Variants in MBTD1 observed in about 807,000 individuals in gnomAD.
The protein encoded by MBTD1 is mbt domain containing 1.
A neutral mutation model predicts 87.8 loss-of-function variants in MBTD1; 24 were observed. That is an observed-to-expected ratio of 0.27 (90% CI 0.20 to 0.38). The LOEUF (loss-of-function observed/expected upper bound fraction) is 0.38, where lower values mean the gene tolerates loss of function less well. Among genes scored for constraint, MBTD1 ranks in the 10% least tolerant of loss-of-function variants. MBTD1 has a pLI of 1.00. For missense variants in MBTD1, 436 were observed against 760.2 expected, an observed-to-expected ratio of 0.57 and a Z score of 5.02; for synonymous variants, 237 against 248.6, an observed-to-expected ratio of 0.95 and a Z score of 0.44.
chr17:51,218,329 G>C (rs371921847), intron 5 of MBTD1, among the ~76,000 whole-genome samples: 1 of 152,112 alleles, frequency 6.6e-6, no homozygotes, highest in East Asian at 1.9e-4. Flanking sequence ...TGGAGTTCTA[G>C]ACCAGCCTGG....
intron 2 of MBTD1, among the ~76,000 whole-genome samples, chr17:51,231,971 C>T (rs750747153): frequency 3.3e-5 from 5 of 151,832 alleles, no homozygotes; most frequent in Non-Finnish European, 5.9e-5. Flanking sequence ...ACTATGAGGG[C>T]GCTTAACTGG....
chr17:51,233,115 C>T (rs928932845), intron 2 of MBTD1, among the ~76,000 whole-genome samples: 12 of 130,096 alleles, frequency 9.2e-5, no homozygotes, highest in African/African-American at 3.4e-4. Context: ...CATGAATTCA[C>T]AGATAAAACT....
Position 51,193,466 on chromosome 17 carries a change from T to C in MBTD1, c.1417A>G (p.Thr473Ala). 1 of 1,612,856 alleles carries C rather than the reference T, an allele frequency of 6.2e-7. No homozygotes were observed. Among genetic ancestry groups the C allele is most frequent in the Non-Finnish European group, 8.5e-7 (1 of 1,179,764 alleles). Residue 473 changes from threonine to alanine, a missense_variant, in exon 14 of 17, where the codon ACT (threonine) becomes GCT (alanine). By Grantham distance (58) the Thr-to-Ala change is moderately conservative. Transcript: ENST00000586178. ...TTTACTGGTGCTGCAATGGAGCCAG[T>C]TTCCCTGAGGTAGTCAAACCATTTA... ...PFKWFDYLRE[T>A]GSIAAPVKLF...
intron 12 of MBTD1, among the ~76,000 whole-genome samples, chr17:51,195,907 T>C (rs561871586): frequency 6.6e-6 from 1 of 152,306 alleles, no homozygotes; most frequent in East Asian, 1.9e-4. Flanking sequence ...TTGTAACAAG[T>C]ACCCAACTCT....
chr17:51,224,543 CCTTTTTCATTTCCTTTTT>C, intron 3 of MBTD1, among the ~76,000 whole-genome samples: 1 of 152,260 alleles, frequency 6.6e-6, no homozygotes, highest in South Asian at 2.1e-4. Flanking sequence ...GAAACTGCTT[CCTTTTTCATTTCCTTTTT>C]CTTTTTCAAG....
Position 51,179,492 on chromosome 17 carries a change from A to ATATATATATATTTATATTTATT in MBTD1, c.*1083_*1084insAATAAATATAAATATATATATA, listed in dbSNP as rs2050210544. 3.2e-5 allele frequency: 1 copy of ATATATATATATTTATATTTATT among 30,972 alleles called. No homozygotes were observed. The highest frequency in any genetic ancestry group is 6.6e-5 in the Non-Finnish European group (1 of 15,042). The allele number at this position is 30,972 out of a possible 1,614,324, so 1.9% of individuals were successfully genotyped here. On this transcript the variant is annotated 3_prime_UTR_variant, in exon 17 of 17. Coordinates refer to ENST00000586178, the MANE Select transcript of MBTD1 (RefSeq NM_017643.3). ...TACAATTAAAGACAATTTTATATAT[A>ATATATATATATTTATATTTATT]TATATATATATATATATATATATAT...
In MBTD1 at chr17:51,240,275, G is replaced by A. The variant is rs1240692393; in HGVS notation, c.-48-15066C>T. 9.2e-5 allele frequency among the ~76,000 whole-genome samples: 14 copies of A among 152,034 alleles called. 1 individual carries two copies. The highest frequency in any genetic ancestry group is 9.2e-4 in the Admixed American group (14 of 15,270). ...GCTACAATAAATGAAATACTGATAG[G>A]TACACTGTCATTAACTAAAGTCTAC... On this transcript the variant is annotated intron_variant, in intron 2 of 16. Coordinates refer to ENST00000586178, the MANE Select transcript of MBTD1 (RefSeq NM_017643.3).
Position 51,202,087 on chromosome 17 carries a change from A to C in MBTD1, c.1064-10T>G, listed in dbSNP as rs2051523430. ...TGTTTCTTTGTAATATCTACAAGGA[A>C]AAGTTACACACTAATCTGTCAGCAT... On this transcript the variant is annotated splice_polypyrimidine_tract_variant and intron_variant, in intron 10 of 16. Coordinates refer to ENST00000586178, the MANE Select transcript of MBTD1 (RefSeq NM_017643.3). 1 of 1,561,238 alleles carries C rather than the reference A, an allele frequency of 6.4e-7. No individual in the cohort carries two copies. The highest frequency in any genetic ancestry group is 1.4e-5 in the African/African-American group (1 of 73,882).
intron 3 of MBTD1, among the ~76,000 whole-genome samples, chr17:51,224,123 CCCACATTTCCAGGATGTGGG>C (rs2053076691): frequency 6.6e-6 from 1 of 152,158 alleles, no homozygotes; most frequent in African/African-American, 2.4e-5. Context: ...TTGTTTGGTT[CCCACATTTCCAGGATGTGGG>C]ACTTTCAATG....
intron 3 of MBTD1, among the ~76,000 whole-genome samples, chr17:51,222,617 C>T (rs2052974764): frequency 1.3e-5 from 2 of 151,704 alleles, no homozygotes; most frequent in African/African-American, 4.8e-5. Flanking sequence ...AGGCTGGTCT[C>T]GAACTCCTGA....
At chr17:51,246,169 A>G (rs114910794) in intron 2 of MBTD1, among the ~76,000 whole-genome samples, 2,708 of 152,354 alleles carry the variant, frequency 0.018, 82 homozygotes, top group African/African-American at 0.062. Flanking sequence ...GCATAATTAG[A>G]TATCTTGGGG....
intron 7 of MBTD1, 85 bp from the exon 8 acceptor site, chr17:51,204,010 G>C (rs2051652838): frequency 3.8e-6 from 4 of 1,045,692 alleles, no homozygotes; most frequent in South Asian, 1.6e-5. Context: ...TGTCAAACTA[G>C]TGTCTATCTG....
intron 11 of MBTD1, 132 bp from the exon 12 acceptor site, chr17:51,201,828 A>G: frequency 1.3e-6 from 1 of 757,124 alleles, no homozygotes; most frequent in Non-Finnish European, 2.2e-6. Context: ...AACTTCCATT[A>G]AGGTTTAGAG....
At position 51,179,492 on chromosome 17, in the gene MBTD1, A is replaced by ATATATATATATATATATTTATATT. The variant is rs2050210937; in HGVS notation, c.*1083_*1084insAATATAAATATATATATATATATA. The ATATATATATATATATATTTATATT allele has an allele frequency of 3.2e-5, 1 of 30,972 alleles. No homozygotes were observed. The highest frequency in any genetic ancestry group is 6.6e-5 in the Non-Finnish European group (1 of 15,042). The allele number at this position is 30,972 out of a possible 1,614,324, so 1.9% of individuals were successfully genotyped here. A position where few individuals can be genotyped will look rare whatever the true frequency, so the allele number is the denominator to read the frequency against. ...TACAATTAAAGACAATTTTATATATATATATATATATATATATATATATAT... is the reference window on the plus strand; with the variant it reads ...TACAATTAAAGACAATTTTATATATATATATATATATATATATTTATATTTATATATATATATATATATATATAT... On this transcript the variant is annotated 3_prime_UTR_variant, in exon 17 of 17. Transcript: ENST00000586178.
intron 6 of MBTD1, among the ~76,000 whole-genome samples, chr17:51,213,764 A>G (rs1293243725): frequency 2.6e-5 from 4 of 152,200 alleles, no homozygotes; most frequent in Non-Finnish European, 2.9e-5. Flanking sequence ...GGAACTGCCA[A>G]CGATGGGGTG....
Position 51,245,425 on chromosome 17 carries a change from C to T in MBTD1, c.-49+13718G>A, listed in dbSNP as rs571859041. On this transcript the variant is annotated intron_variant, in intron 2 of 16. Coordinates refer to ENST00000586178, the MANE Select transcript of MBTD1 (RefSeq NM_017643.3). ...TGTATCAGTATTTTATTTCATTGTA[C>T]CTTGATTATGAGTCAGAAAATTTTT... Among the ~76,000 whole-genome samples, 52 of 152,140 alleles carry T rather than the reference C, an allele frequency of 3.4e-4. No individual in the cohort carries two copies. In the South Asian group the frequency reaches 0.01, roughly 30 times the overall value.
chr17:51,218,013 T>C (rs1420342420), intron 5 of MBTD1, among the ~76,000 whole-genome samples: 1 of 152,212 alleles, frequency 6.6e-6, no homozygotes, highest in Non-Finnish European at 1.5e-5. Flanking sequence ...ACAAACACTG[T>C]TGTGGCTGCT....
chr17:51,216,049 A>G (rs1225091583), intron 6 of MBTD1, among the ~76,000 whole-genome samples: 1 of 148,324 alleles, frequency 6.7e-6, no homozygotes, highest in Non-Finnish European at 1.5e-5. Context: ...CTCATGCCTC[A>G]GCCTCTCGAG....
intron 16 of MBTD1, among the ~76,000 whole-genome samples, chr17:51,182,256 C>T (rs537413429): frequency 1.3e-5 from 2 of 151,988 alleles, no homozygotes; most frequent in South Asian, 4.2e-4. Context: ...TCCCGAGTGG[C>T]TGGGATTACA....
Sources: gnomAD v4.1 joint callset for allele counts (sites outside exome capture counted in the v4.1 genomes callset) on GRCh38, gnomAD v4.1.1 for gene constraint, MANE v1.5 for transcripts, NCBI Gene and HGNC (gene_info 2026-07-23, HGNC 2026-07-21) for gene names.